Variants in STAT3 observed in about 807,000 individuals in gnomAD.
STAT3 encodes DNA-binding protein APRF.
Under a neutral mutation model 114.3 loss-of-function variants are expected in STAT3, and 7 were observed. That is an observed-to-expected ratio of 0.06 (90% CI 0.03 to 0.11). The LOEUF (loss-of-function observed/expected upper bound fraction) is 0.11. Ranked by LOEUF, STAT3 falls within the 10% of genes least tolerant of loss-of-function variation. STAT3 has a pLI of 1.00. For synonymous variants in STAT3, 331 were observed against 354.5 expected, an observed-to-expected ratio of 0.93 and a Z score of 0.74; for missense variants, 364 against 960.9, an observed-to-expected ratio of 0.38 and a Z score of 8.21.
Position 42,337,599 on chromosome 17 carries a change from C to A in STAT3, c.646-13G>T, listed in dbSNP as rs971177362. On this transcript the variant is annotated splice_polypyrimidine_tract_variant and intron_variant, in intron 7 of 23. Transcript: ENST00000264657. The surrounding 1 kb of genome is among the most constrained non-coding windows in gnomAD (Gnocchi z 4.0). ...CACTCACGATGCTCTGGTTGGAAAC[C>A]AAAACAAAGTCAGAAAACATTTCCT... The A allele has an allele frequency of 9.3e-6, 15 of 1,614,026 alleles. No homozygotes were observed. The highest frequency in any genetic ancestry group is 1.2e-5 in the Non-Finnish European group (14 of 1,180,036).
At position 42,340,524 on chromosome 17, in the gene STAT3, T is replaced by A. The variant is rs541504127; in HGVS notation, c.373-1115A>T. 8.8e-3 allele frequency among the ~76,000 whole-genome samples: 1,283 copies of A among 146,196 alleles called. 11 individuals carry two copies. The highest frequency in any genetic ancestry group is 0.016 in the Non-Finnish European group (1,022 of 64,492). On this transcript the variant is annotated intron_variant, in intron 4 of 23. Transcript: ENST00000264657. ...TCTCAACCAAAAAAAAAAAAAAATT[T>A]TTTTTTAACTAGCTGGGCATGGTGG... is the stretch of plus-strand genomic sequence containing the variant.
rs111841321 is a variant in STAT3 at position 42,357,470 on chromosome 17, G to C, written c.-23-8931C>G. On this transcript the variant is annotated intron_variant, in intron 1 of 23. Transcript: ENST00000264657. ...GTAGGTCACCTGAGGTCAGGAGTTC[G>C]AGACCAGCCAGGCTAACATGGCAAA... Among the ~76,000 whole-genome samples the C allele has an allele frequency of 2.9e-3, 438 of 152,110 alleles. 2 individuals carry two copies. The highest frequency in any genetic ancestry group is 9.1e-3 in the African/African-American group (378 of 41,480).
chr17:42,387,956 G>A (rs1031555454), intron 1 of STAT3: 32 of 268,986 alleles, frequency 1.2e-4, no homozygotes, highest in African/African-American at 6.8e-4. Context: ...ACGTCCCCAG[G>A]GCCCCAGGGA....
chr17:42,346,759 T>C, intron 2 of STAT3, 46 bp from the exon 3 acceptor site: 1 of 1,613,506 alleles, frequency 6.2e-7, no homozygotes, highest in South Asian at 1.1e-5. Context: ...AGCCGACGCA[T>C]ACACACAAAC....
At chr17:42,357,184 T>TAG (rs1451189970) in intron 1 of STAT3, among the ~76,000 whole-genome samples, 3 of 152,196 alleles carry the variant, frequency 2.0e-5, no homozygotes, top group Admixed American at 6.5e-5. Flanking sequence ...GGCCACATAA[T>TAG]TTATTAAGAT....
chr17:42,343,024 T>C (rs62075770), intron 4 of STAT3, among the ~76,000 whole-genome samples: 1 of 148,410 alleles, frequency 6.7e-6, no homozygotes, highest in African/African-American at 2.5e-5. Flanking sequence ...AAAAAAAAAT[T>C]AGCTGGGCAT....
At chr17:42,342,285 C>A (rs1432590730) in intron 4 of STAT3, among the ~76,000 whole-genome samples, 1 of 152,010 alleles carries the variant, frequency 6.6e-6, no homozygotes, top group Non-Finnish European at 1.5e-5. Context: ...GAGTTTGAGA[C>A]CAGCCTGGCC....
intron 10 of STAT3, among the ~76,000 whole-genome samples, chr17:42,332,116 A>G (rs2082039963): frequency 6.6e-6 from 1 of 151,598 alleles, no homozygotes; most frequent in Non-Finnish European, 1.5e-5. Context: ...TAGTAGAGAC[A>G]GAGTTTCTCC....
intron 4 of STAT3, among the ~76,000 whole-genome samples, chr17:42,343,713 A>G (rs1308381961): frequency 6.6e-6 from 1 of 152,114 alleles, no homozygotes; most frequent in Non-Finnish European, 1.5e-5. Context: ...TTGGCCTCCC[A>G]AAGTGCTTGG....
At chr17:42,328,780 A>G (rs2081857585) in intron 14 of STAT3, among the ~76,000 whole-genome samples, 1 of 152,234 alleles carries the variant, frequency 6.6e-6, no homozygotes, top group African/African-American at 2.4e-5. Flanking sequence ...ATTTTTAAAA[A>G]TGACTGAAAA....
intron 1 of STAT3, among the ~76,000 whole-genome samples, chr17:42,361,568 G>A (rs1019301758): frequency 6.6e-6 from 1 of 151,794 alleles, no homozygotes; most frequent in African/African-American, 2.4e-5. Context: ...TAAATATAAC[G>A]AGAACCTCGA....
intron 1 of STAT3, among the ~76,000 whole-genome samples, chr17:42,363,099 G>A (rs1186938817): frequency 1.3e-5 from 2 of 152,112 alleles, no homozygotes; most frequent in Non-Finnish European, 2.9e-5. Flanking sequence ...CTCATAATAG[G>A]TGCTGAAAAA....
chr17:42,321,494 T>G (rs990589966), intron 21 of STAT3, among the ~76,000 whole-genome samples: 2 of 152,154 alleles, frequency 1.3e-5, no homozygotes, highest in African/African-American at 4.8e-5. Flanking sequence ...TTTTCAATAG[T>G]TGCACACTCT....
intron 8 of STAT3, among the ~76,000 whole-genome samples, chr17:42,336,643 C>A (rs17879198): frequency 0.02 from 2,970 of 152,062 alleles, 104 homozygotes; most frequent in African/African-American, 0.068. Context: ...GTATAAATTT[C>A]TATCTTTATG....
chr17:42,383,644 C>T (rs1312396211), intron 1 of STAT3, among the ~76,000 whole-genome samples: 2 of 152,176 alleles, frequency 1.3e-5, no homozygotes, highest in Non-Finnish European at 2.9e-5. Flanking sequence ...TATATAACCA[C>T]CATATTAATT....
intron 21 of STAT3, 34 bp from the exon 22 acceptor site, chr17:42,317,258 G>A: frequency 6.2e-7 from 1 of 1,611,074 alleles, no homozygotes; most frequent in Non-Finnish European, 8.5e-7. Context: ...CTTACTGACT[G>A]TGACTTCGCA....
At chr17:42,328,242 A>T (rs74501884) in intron 14 of STAT3, among the ~76,000 whole-genome samples, 118 of 152,260 alleles carry the variant, frequency 7.7e-4, no homozygotes, top group African/African-American at 2.7e-3. Flanking sequence ...TACACATAAG[A>T]GTATAGTGTA....
At chr17:42,375,874 C>T (rs979036909) in intron 1 of STAT3, among the ~76,000 whole-genome samples, 2 of 151,564 alleles carry the variant, frequency 1.3e-5, no homozygotes, top group South Asian at 2.1e-4. Flanking sequence ...ATAATAGAGC[C>T]GGGCGCAATG....
At chr17:42,358,876 C>A (rs1387996065) in intron 1 of STAT3, among the ~76,000 whole-genome samples, 1 of 151,090 alleles carries the variant, frequency 6.6e-6, no homozygotes, top group Non-Finnish European at 1.5e-5. Context: ...GCCAGATCCT[C>A]AGAGCTGCAG....
Sources: allele counts gnomAD v4.1 joint callset (sites outside exome capture counted in the v4.1 genomes callset), GRCh38; gene constraint gnomAD v4.1.1; non-coding constraint Gnocchi (gnomAD v3.1); transcripts MANE v1.5; gene names NCBI Gene and HGNC (gene_info 2026-07-23, HGNC 2026-07-21).